Variants in PTPRD observed in about 807,000 individuals in gnomAD.
PTPRD encodes the protein protein tyrosine phosphatase receptor type D.
In PTPRD, 34 loss-of-function variants were observed where a neutral mutation model predicts 214.5. The ratio of observed to expected loss-of-function variants is 0.16; its 90% confidence interval spans 0.12 to 0.21. PTPRD has a LOEUF of 0.21. Ranked by LOEUF, PTPRD falls within the 10% of genes least tolerant of loss-of-function variation. The pLI, the probability that PTPRD is intolerant of heterozygous loss-of-function variation, is 1.00. For missense variants in PTPRD, 2,545 were observed against 2,398.7 expected, an observed-to-expected ratio of 1.06 and a Z score of -1.27; for synonymous variants, 1,128 against 845.7, an observed-to-expected ratio of 1.33 and a Z score of -5.79.
chr9:10,011,060 C>T (rs1452212128), intron 4 of PTPRD, among the ~76,000 whole-genome samples: 1 of 151,918 alleles, frequency 6.6e-6, no homozygotes, highest in African/African-American at 2.4e-5. Flanking sequence ...TAAATGAATA[C>T]ATAAATAATT....
At chr9:9,177,584 A>C (rs572141081) in intron 10 of PTPRD, among the ~76,000 whole-genome samples, 5 of 152,268 alleles carry the variant, frequency 3.3e-5, no homozygotes, top group African/African-American at 1.2e-4. Context: ...TTTTAAAATG[A>C]TTATGTCTAA....
rs1821158078 is a variant in PTPRD, at chr9:8,315,491, G to A, written c.*2383C>T. Reference sequence around the variant, plus strand: ...GAAAATTATAGCACTGAGTAATCTGGCACTTGGATAAATCTCCAAAAAGAT... The same window carrying A: ...GAAAATTATAGCACTGAGTAATCTGACACTTGGATAAATCTCCAAAAAGAT... On this transcript the variant is annotated 3_prime_UTR_variant, in exon 46 of 46. Coordinates refer to ENST00000381196, the MANE Select transcript of PTPRD (RefSeq NM_002839.4). The A allele has an allele frequency of 4.3e-6, 1 of 231,910 alleles. No individual in the cohort carries two copies. The highest frequency in any genetic ancestry group is 8.5e-6 in the Non-Finnish European group (1 of 116,980). 14.4% of individuals were successfully genotyped at this position (231,910 alleles called of 1,614,324 possible).
intron 9 of PTPRD, among the ~76,000 whole-genome samples, chr9:9,275,199 T>TATATATGTTATATATATA (rs1491465404): frequency 1.9e-4 from 2 of 10,394 alleles, no homozygotes; most frequent in African/African-American, 4.9e-4. Flanking sequence ...TATATATATA[T>TATATATGTTATATATATA]TATATATATA....
At chr9:8,607,128 T>C (rs1400252051) in intron 14 of PTPRD, among the ~76,000 whole-genome samples, 3 of 152,140 alleles carry the variant, frequency 2.0e-5, no homozygotes, top group Non-Finnish European at 4.4e-5. Flanking sequence ...ACATGGTGAG[T>C]ATAGTTAATA....
chr9:9,554,410 T>A (rs909645781), intron 8 of PTPRD, among the ~76,000 whole-genome samples: 1 of 152,032 alleles, frequency 6.6e-6, no homozygotes, highest in Non-Finnish European at 1.5e-5. Flanking sequence ...TGTTTTATTT[T>A]TTTTTTTCTT....
At chr9:10,161,647 T>A (rs564940578) in intron 3 of PTPRD, among the ~76,000 whole-genome samples, 26 of 151,928 alleles carry the variant, frequency 1.7e-4, no homozygotes, top group African/African-American at 5.8e-4. Context: ...CAAAGAATTT[T>A]CGTGTAAGAC....
intron 10 of PTPRD, among the ~76,000 whole-genome samples, chr9:9,096,403 C>G (rs936099836): frequency 6.6e-6 from 1 of 152,058 alleles, no homozygotes; most frequent in Non-Finnish European, 1.5e-5. Flanking sequence ...GTCAATCTCA[C>G]GAATGGAATG....
intron 44 of PTPRD, among the ~76,000 whole-genome samples, chr9:8,322,236 G>A (rs1035080955): frequency 6.6e-6 from 1 of 151,918 alleles, no homozygotes; most frequent in Non-Finnish European, 1.5e-5. Flanking sequence ...TGGCCTCTAA[G>A]TGTTCAAGTG....
At chr9:9,057,479 T>C (rs1282405340) in intron 10 of PTPRD, among the ~76,000 whole-genome samples, 1 of 152,176 alleles carries the variant, frequency 6.6e-6, no homozygotes, top group African/African-American at 2.4e-5. Context: ...TTAAAATGGA[T>C]TTAGATTCCA....
intron 3 of PTPRD, among the ~76,000 whole-genome samples, chr9:10,053,583 T>G (rs1171033985): frequency 6.6e-6 from 1 of 152,154 alleles, no homozygotes; most frequent in Non-Finnish European, 1.5e-5. Flanking sequence ...AATGACCTCA[T>G]AAATGAACAG....
At chr9:10,482,234 G>C (rs1953592) in intron 2 of PTPRD, among the ~76,000 whole-genome samples, 2 of 151,656 alleles carry the variant, frequency 1.3e-5, no homozygotes, top group African/African-American at 4.8e-5. Flanking sequence ...AGCCGGGCGT[G>C]GTGGCGGGTG....
intron 8 of PTPRD, among the ~76,000 whole-genome samples, chr9:9,441,355 A>C (rs1400972375): frequency 6.6e-6 from 1 of 152,204 alleles, no homozygotes; most frequent in Non-Finnish European, 1.5e-5. Flanking sequence ...GATGAATAGG[A>C]AGAAGACAGG....
intron 7 of PTPRD, among the ~76,000 whole-genome samples, chr9:9,585,072 C>A (rs541880888): frequency 6.6e-6 from 1 of 152,160 alleles, no homozygotes; most frequent in South Asian, 2.1e-4. Flanking sequence ...CCAGGAATTA[C>A]AAGCTGCCTT....
At chr9:8,975,119 T>A (rs1161800652) in intron 11 of PTPRD, among the ~76,000 whole-genome samples, 1 of 141,474 alleles carries the variant, frequency 7.1e-6, no homozygotes, top group Non-Finnish European at 1.6e-5. Flanking sequence ...AAAAAAGATT[T>A]TCAGAGACTG....
intron 7 of PTPRD, among the ~76,000 whole-genome samples, chr9:9,662,207 A>G (rs183586749): frequency 1.8e-3 from 270 of 151,794 alleles, no homozygotes; most frequent in Middle Eastern, 6.8e-3. Flanking sequence ...GTATTTACCT[A>G]CAGTATTACA....
intron 2 of PTPRD, among the ~76,000 whole-genome samples, chr9:10,493,426 G>A (rs566948779): frequency 4.6e-5 from 7 of 151,992 alleles, no homozygotes; most frequent in African/African-American, 1.7e-4. Flanking sequence ...ACAGAACAGA[G>A]GCCTCAGAAA....
chr9:9,220,470 A>G (rs2099955191), intron 9 of PTPRD, among the ~76,000 whole-genome samples: 1 of 151,966 alleles, frequency 6.6e-6, no homozygotes, highest in Admixed American at 6.6e-5. Flanking sequence ...CCTTGTTTTA[A>G]TTTGCCTCCT....
chr9:10,138,136 C>T (rs963923687), intron 3 of PTPRD, among the ~76,000 whole-genome samples: 1 of 151,830 alleles, frequency 6.6e-6, no homozygotes, highest in Non-Finnish European at 1.5e-5. Flanking sequence ...ATGTATAGAC[C>T]TCTAGCTAGA....
chr9:9,933,946 A>C (rs1459725960), intron 5 of PTPRD, among the ~76,000 whole-genome samples: 3 of 145,704 alleles, frequency 2.1e-5, no homozygotes, highest in Non-Finnish European at 4.4e-5. Context: ...GCTCAACTAC[A>C]TGGAAACTGA....
Sources: allele counts gnomAD v4.1 joint callset (sites outside exome capture counted in the v4.1 genomes callset), GRCh38; gene constraint gnomAD v4.1.1; transcripts MANE v1.5; gene names NCBI Gene and HGNC (gene_info 2026-07-23, HGNC 2026-07-21).